ADAMTS14: variants seen among roughly 807,000 people sequenced by gnomAD.
ADAMTS14 encodes the protein A disintegrin and metalloproteinase with thrombospondin motifs 14.
In ADAMTS14, 100 loss-of-function variants were observed where a neutral mutation model predicts 128.6. That is an observed-to-expected ratio of 0.78 (90% CI 0.66 to 0.92). The LOEUF (loss-of-function observed/expected upper bound fraction) is 0.92. ADAMTS14 is among the 40% of genes least tolerant of loss of function. The pLI is 0.00. For missense variants in ADAMTS14, 1,562 were observed against 1,658.6 expected (o/e 0.94, Z 1.01); for synonymous variants, 665 against 653.8 (o/e 1.02, Z -0.26).
At position 70,729,326 on chromosome 10, in the gene ADAMTS14, G is replaced by A. The variant is rs141048259; in HGVS notation, c.903G>A (p.Gly301=). The A allele has an allele frequency of 4.8e-5, 77 of 1,613,760 alleles. No individual in the cohort carries two copies. The Admixed American group carries it at 9.8e-4, about 21-fold the overall frequency. ...AGATTTACCACGATGAGTCCCTGGG[G>A]GTTCATATAAATATTGCCCTCGTCC... ...VDEIYHDESL[G]VHINIALVRL... is the part of the protein sequence containing the mutation. Residue 301 remains glycine (G), a synonymous_variant, in exon 5 of 22, where the codon GGG becomes GGA. Transcript: ENST00000373207.
At chr10:70,734,550 CCT>C (rs1489647351) in intron 8 of ADAMTS14, among the ~76,000 whole-genome samples, 1 of 152,180 alleles carries the variant, frequency 6.6e-6, no homozygotes, top group Non-Finnish European at 1.5e-5. Context: ...GGGAGCTCCT[CCT>C]CTCCCCACTC....
At chr10:70,737,890 A>G (rs1225977375) in intron 10 of ADAMTS14, among the ~76,000 whole-genome samples, 2 of 152,222 alleles carry the variant, frequency 1.3e-5, no homozygotes, top group Non-Finnish European at 2.9e-5. Flanking sequence ...TTGAGGTGAT[A>G]AAAATATTCT....
intron 18 of ADAMTS14, among the ~76,000 whole-genome samples, chr10:70,753,444 G>T (rs1486835728): frequency 1.3e-5 from 2 of 152,224 alleles, no homozygotes; most frequent in Non-Finnish European, 2.9e-5. Flanking sequence ...CCAGGACAGT[G>T]CTTGCGCCAG....
At chr10:70,710,611 C>T (rs753975762) in intron 4 of ADAMTS14, among the ~76,000 whole-genome samples, 4 of 152,244 alleles carry the variant, frequency 2.6e-5, no homozygotes, top group South Asian at 2.1e-4. Context: ...ATTAGTGAAT[C>T]GGCCAAGAGC....
intron 2 of ADAMTS14, among the ~76,000 whole-genome samples, chr10:70,687,808 C>T (rs1233365478): frequency 2.6e-3 from 72 of 28,120 alleles, no homozygotes; most frequent in African/African-American, 0.012. Context: ...CCAGTAGGGG[C>T]GGCCGGGCAG....
intron 2 of ADAMTS14, among the ~76,000 whole-genome samples, chr10:70,693,227 C>T (rs747853727): frequency 3.7e-4 from 56 of 152,306 alleles, no homozygotes; most frequent in Admixed American, 1.1e-3. Flanking sequence ...TCCCACCATT[C>T]CCCGCCTCTA....
At chr10:70,716,597 G>A (rs1330333089) in intron 4 of ADAMTS14, among the ~76,000 whole-genome samples, 4 of 152,164 alleles carry the variant, frequency 2.6e-5, no homozygotes, top group Admixed American at 6.5e-5. Flanking sequence ...GATGCTTGAC[G>A]CTCGAATTGC....
intron 2 of ADAMTS14, among the ~76,000 whole-genome samples, chr10:70,688,741 C>T (rs1364559826): frequency 4.9e-5 from 3 of 61,084 alleles, no homozygotes; most frequent in Admixed American, 1.4e-4. Context: ...CCTGCAATCG[C>T]AGGCATTCGG....
At chr10:70,710,669 G>GT (rs1179333975) in intron 4 of ADAMTS14, among the ~76,000 whole-genome samples, 1 of 152,240 alleles carries the variant, frequency 6.6e-6, no homozygotes, top group African/African-American at 2.4e-5. Flanking sequence ...TTGGGGGCGA[G>GT]TTACGAACCC....
Position 70,758,297 on chromosome 10 carries a change from C to T in ADAMTS14, c.3178+12C>T, listed in dbSNP as rs774082736. The T allele has an allele frequency of 8.1e-6, 13 of 1,610,302 alleles. No homozygotes were observed. Among genetic ancestry groups the T allele is most frequent in the African/African-American group, 1.3e-5 (1 of 75,016 alleles). ...CAAGATATCATCAAGTAAGTACAGT[C>T]TATGGACCCTACCCTGCTCCCCAGA... is the stretch of plus-strand genomic sequence containing the variant. On this transcript the variant is annotated intron_variant, in intron 21 of 21. Coordinates refer to ENST00000373207, the MANE Select transcript of ADAMTS14 (RefSeq NM_080722.4).
At chr10:70,682,940 C>T (rs1204402075) in intron 2 of ADAMTS14, among the ~76,000 whole-genome samples, 1 of 152,236 alleles carries the variant, frequency 6.6e-6, no homozygotes, top group African/African-American at 2.4e-5. Context: ...ACTGGGCCTG[C>T]CGGACAACCG....
chr10:70,697,720 G>A (rs980948827), intron 2 of ADAMTS14, among the ~76,000 whole-genome samples: 2 of 152,100 alleles, frequency 1.3e-5, no homozygotes, highest in East Asian at 1.9e-4. Flanking sequence ...GCCAGCACTC[G>A]CCTCCCTAGT....
chr10:70,738,952 C>G lies in ADAMTS14; in HGVS notation c.1710C>G (p.Gly570=), dbSNP rs564750212. The change falls in exon 11 of 22, where the codon GGC becomes GGG. Residue 570 remains glycine, a synonymous_variant. Coordinates refer to ENST00000373207, the MANE Select transcript of ADAMTS14 (RefSeq NM_080722.4). The part of the protein sequence containing the change: ...KFGSCSRSCG[G]GVRSRSRSCN... ...GGTCATGTTCGCGGTCATGTGGGGGCGGGGTGCGATCCCGCAGCCGGAGCT... is the reference window on the plus strand; with the variant it reads ...GGTCATGTTCGCGGTCATGTGGGGGGGGGGTGCGATCCCGCAGCCGGAGCT... 1 of 1,579,326 alleles carries G rather than the reference C, an allele frequency of 6.3e-7. No individual in the cohort carries two copies. Among genetic ancestry groups the G allele is most frequent in the South Asian group, 1.1e-5 (1 of 90,568 alleles).
rs1402569544 is a variant in ADAMTS14, at chr10:70,753,863, G to T, written c.2793G>T (p.Arg931=). 1.3e-6 allele frequency: 2 copies of T among 1,594,260 alleles called. No homozygotes were observed. The highest frequency in any genetic ancestry group is 2.7e-5 in the African/African-American group (2 of 74,840). The change falls in exon 19 of 22, where the codon CGG becomes CGT. Residue 931 remains arginine (R), a synonymous_variant. Coordinates refer to ENST00000373207, the MANE Select transcript of ADAMTS14 (RefSeq NM_080722.4). ...RSCGKLGVQT[R]GIQCLLPLSN... Reference sequence around the variant, plus strand: ...GTGGGAAGCTGGGGGTGCAGACACGGGGGATACAGTGCCTGCTGCCCCTCT... The same window carrying T: ...GTGGGAAGCTGGGGGTGCAGACACGTGGGATACAGTGCCTGCTGCCCCTCT...
intron 2 of ADAMTS14, among the ~76,000 whole-genome samples, chr10:70,680,422 A>T (rs112176031): frequency 7.2e-5 from 11 of 152,202 alleles, no homozygotes; most frequent in Non-Finnish European, 1.0e-4. Context: ...AATAAATAAA[A>T]AAAATAAAAT....
intron 4 of ADAMTS14, among the ~76,000 whole-genome samples, chr10:70,722,087 T>C (rs56259942): frequency 0.034 from 5,116 of 152,268 alleles, 103 homozygotes; most frequent in Non-Finnish European, 0.047. Context: ...GGCTCTTGCT[T>C]GCACTGGCAG....
intron 10 of ADAMTS14, 69 bp downstream of exon 10, chr10:70,736,862 G>A (rs1236842676): frequency 1.7e-5 from 24 of 1,422,936 alleles, no homozygotes; most frequent in Admixed American, 5.5e-5. Flanking sequence ...GCATGGGGGT[G>A]GATCCCAGAG....
intron 10 of ADAMTS14, 25 bp downstream of exon 10, chr10:70,736,818 G>C (rs1841843724): frequency 6.2e-7 from 1 of 1,606,006 alleles, no homozygotes. Context: ...TGCAGCAGGA[G>C]TGGCCTTCCT....
chr10:70,744,391 C>T (rs1447698122), intron 14 of ADAMTS14, among the ~76,000 whole-genome samples: 1 of 152,194 alleles, frequency 6.6e-6, no homozygotes, highest in Non-Finnish European at 1.5e-5. Flanking sequence ...GCAAGCTCCT[C>T]CCTGAGTTTG....
Sources: gnomAD v4.1 joint callset for allele counts (sites outside exome capture counted in the v4.1 genomes callset) on GRCh38, gnomAD v4.1.1 for gene constraint, MANE v1.5 for transcripts, NCBI Gene and HGNC (gene_info 2026-07-23, HGNC 2026-07-21) for gene names.